Variants in SCN8A observed in about 807,000 individuals in gnomAD.
SCN8A encodes the protein sodium channel protein type 8 subunit alpha.
Under a neutral mutation model 184.1 loss-of-function variants are expected in SCN8A, and 30 were observed. That is an observed-to-expected ratio of 0.16 (90% CI 0.12 to 0.22). SCN8A has a LOEUF of 0.22. Ranked by LOEUF, SCN8A falls within the 10% of genes least tolerant of loss-of-function variation. The pLI is 1.00. For missense variants in SCN8A, 1,057 were observed against 2,498.9 expected (o/e 0.42, Z 12.30); for synonymous variants, 852 against 907.0 (o/e 0.94, Z 1.09).
rs73297643 is a variant in SCN8A at position 51,667,780 on chromosome 12, G to T, written c.276+4687G>T. On this transcript the variant is annotated intron_variant, in intron 2 of 26. Transcript: ENST00000627620. ...TTCTTAGAACTGACAGTTGATATAT[G>T]TGTCTTTTTTGTTTAATGGGTATAC... is the stretch of plus-strand genomic sequence containing the variant. 3.9e-3 allele frequency among the ~76,000 whole-genome samples: 595 copies of T among 152,180 alleles called. 3 individuals carry two copies. The highest frequency in any genetic ancestry group is 0.013 in the African/African-American group (554 of 41,512).
At chr12:51,624,439 G>A (rs1477562840) in intron 1 of SCN8A, among the ~76,000 whole-genome samples, 3 of 151,910 alleles carry the variant, frequency 2.0e-5, no homozygotes, top group Non-Finnish European at 2.9e-5. Flanking sequence ...CATATCCTTC[G>A]CCCACTTTTT....
chr12:51,746,019 A>T lies in SCN8A; in HGVS notation c.2115A>T (p.Thr705=). The T allele has an allele frequency of 3.7e-6, 6 of 1,609,116 alleles. No homozygotes were observed. Among genetic ancestry groups the T allele is most frequent in the Non-Finnish European group, 5.1e-6 (6 of 1,177,792 alleles). ...DRINSIMSVV[T]NTLVEELEES... is the part of the protein sequence containing the mutation. ...TCAACAGTATAATGAGTGTTGTTAC[A>T]AATACACTAGTAGAAGGTATGTGCC... The change falls in exon 13 of 27, where the codon ACA becomes ACT. Residue 705 remains threonine, a synonymous_variant. Transcript: ENST00000627620.
At chr12:51,788,287 C>CTTTTTTTTTT (rs66672221) in intron 22 of SCN8A, among the ~76,000 whole-genome samples, 31 of 84,004 alleles carry the variant, frequency 3.7e-4, no homozygotes, top group African/African-American at 1.2e-3. Flanking sequence ...CGCTTAACAC[C>CTTTTTTTTTT]TTTTTTTTTT....
At chr12:51,753,277 A>G (rs577051710) in intron 14 of SCN8A, among the ~76,000 whole-genome samples, 24 of 152,314 alleles carry the variant, frequency 1.6e-4, no homozygotes, top group African/African-American at 5.8e-4. Flanking sequence ...TAAATGTACA[A>G]TTAGCAGTGG....
chr12:51,677,269 G>A (rs1941238513), intron 2 of SCN8A, among the ~76,000 whole-genome samples: 1 of 151,342 alleles, frequency 6.6e-6, no homozygotes, highest in African/African-American at 2.4e-5. Context: ...TATTTTTTTT[G>A]TAGAGATGGA....
chr12:51,762,759 T>G, intron 15 of SCN8A, 83 bp downstream of exon 15: 1 of 1,255,422 alleles, frequency 8.0e-7, no homozygotes, highest in Admixed American at 3.3e-5. Flanking sequence ...AATTTGATGA[T>G]TTAAAAAATA....
At chr12:51,721,932 C>A (rs1269038777) in intron 12 of SCN8A, 24 bp downstream of exon 12, 1 of 1,599,548 alleles carries the variant, frequency 6.3e-7, no homozygotes, top group Admixed American at 1.7e-5. Flanking sequence ...AGGCAGCTAC[C>A]GATGACAGTG....
At chr12:51,709,923 C>G (rs4762003) in intron 11 of SCN8A, among the ~76,000 whole-genome samples, 116,986 of 152,010 alleles carry the variant, frequency 0.77, 46,996 homozygotes, top group East Asian at 0.9. Flanking sequence ...GAAGATAACC[C>G]CTGACAGTTT....
In SCN8A at chr12:51,640,212, GTTTTTTTTTTTTTTTTTTTTT is replaced by G. The variant is rs57362371; in HGVS notation, c.-54-22531_-54-22511del. 2.5e-3 allele frequency among the ~76,000 whole-genome samples: 87 copies of G among 34,778 alleles called. 1 individual carries two copies. Among genetic ancestry groups the G allele is most frequent in the African/African-American group, 3.1e-3 (26 of 8,330 alleles). The allele number at this position is 34,778 out of a possible 152,430, so 22.8% of individuals were successfully genotyped here. A position where few individuals can be genotyped will look rare whatever the true frequency, so the allele number is the denominator to read the frequency against. ...GGATATGAGCACATGTGCCTGGCCT[GTTTTTTTTTTTTTTTTTTTTT>G]TTTTTTTTTTTTTTTTTTTTAAGAC... On this transcript the variant is annotated intron_variant, in intron 1 of 26. Coordinates refer to ENST00000627620, the MANE Select transcript of SCN8A (RefSeq NM_001330260.2).
chr12:51,757,862 A>G (rs1942700711), intron 14 of SCN8A, among the ~76,000 whole-genome samples: 2 of 152,218 alleles, frequency 1.3e-5, no homozygotes, highest in South Asian at 4.1e-4. Flanking sequence ...TAGAGAATAG[A>G]GAACCATTGT....
Position 51,705,447 on chromosome 12 carries a change from A to T in SCN8A, c.1165A>T (p.Ile389Phe), listed in dbSNP as rs1334454056. ...ACGAGCAGCCGGGAAAACATACATGATCTTCTTCGTCTTGGTCATCTTTGT... is the reference window on the plus strand; with the variant it reads ...ACGAGCAGCCGGGAAAACATACATGTTCTTCTTCGTCTTGGTCATCTTTGT... ...TLRAAGKTYM[I>F]FFVLVIFVGS... is the part of the protein sequence containing the mutation. The change falls in exon 10 of 27, where the codon ATC (isoleucine) becomes TTC (phenylalanine). Residue 389 changes from isoleucine to phenylalanine, a missense_variant. Transcript: ENST00000627620. The T allele has an allele frequency of 5.0e-6, 8 of 1,613,826 alleles. No homozygotes were observed. The highest frequency in any genetic ancestry group is 6.8e-6 in the Non-Finnish European group (8 of 1,179,870).
At chr12:51,788,287 CTTT>C (rs66672221) in intron 22 of SCN8A, among the ~76,000 whole-genome samples, 29 of 83,996 alleles carry the variant, frequency 3.5e-4, no homozygotes, top group Non-Finnish European at 4.5e-4. Context: ...CGCTTAACAC[CTTT>C]TTTTTTTTTT....
At chr12:51,710,664 AAACAAG>A (rs909025692) in intron 11 of SCN8A, among the ~76,000 whole-genome samples, 4 of 152,296 alleles carry the variant, frequency 2.6e-5, no homozygotes, top group Admixed American at 1.3e-4. Flanking sequence ...GTCTCCAAAA[AAACAAG>A]AACAAAAACA....
intron 12 of SCN8A, among the ~76,000 whole-genome samples, chr12:51,739,403 C>G (rs947377862): frequency 2.0e-5 from 3 of 152,060 alleles, no homozygotes; most frequent in African/African-American, 7.2e-5. Context: ...AAAGAAAGAT[C>G]CGGGGGGTCA....
chr12:51,740,454 T>G lies in SCN8A; in HGVS notation c.1999-5449T>G, dbSNP rs1454952925. Among the ~76,000 whole-genome samples the G allele has an allele frequency of 3.9e-5, 6 of 152,234 alleles. No homozygotes were observed. In the East Asian group the frequency reaches 1.2e-3, roughly 29 times the overall value. On this transcript the variant is annotated intron_variant, in intron 12 of 26. Coordinates refer to ENST00000627620, the MANE Select transcript of SCN8A (RefSeq NM_001330260.2). ...TTAATCTCCATGTGTTTGTATCATTTCCAAAATTCCTCTTATTGATTTCTG... is the reference window on the plus strand; with the variant it reads ...TTAATCTCCATGTGTTTGTATCATTGCCAAAATTCCTCTTATTGATTTCTG...
chr12:51,669,126 A>G (rs1041278058), intron 2 of SCN8A, among the ~76,000 whole-genome samples: 1 of 152,226 alleles, frequency 6.6e-6, no homozygotes, highest in African/African-American at 2.4e-5. Flanking sequence ...TGCTATAGCT[A>G]CAACTTTATG....
chr12:51,635,175 A>G (rs1476642038), intron 1 of SCN8A, among the ~76,000 whole-genome samples: 4 of 152,284 alleles, frequency 2.6e-5, no homozygotes, highest in South Asian at 4.1e-4. Flanking sequence ...GACTTCATAC[A>G]TCTTACTGTT....
At chr12:51,686,255 T>G (rs1315666406) in intron 3 of SCN8A, 113 bp from the exon 4 acceptor site, 1 of 699,936 alleles carries the variant, frequency 1.4e-6, no homozygotes, top group East Asian at 2.7e-5. Flanking sequence ...CTTCTGTGCT[T>G]CATCTCCTTT....
chr12:51,774,659 A>AT (rs1049538193), intron 20 of SCN8A, among the ~76,000 whole-genome samples: 14 of 152,188 alleles, frequency 9.2e-5, no homozygotes, highest in African/African-American at 3.4e-4. Context: ...GGCCCTTGTT[A>AT]TTAGGCTGGG....
Sources: allele counts gnomAD v4.1 joint callset (sites outside exome capture counted in the v4.1 genomes callset), GRCh38; gene constraint gnomAD v4.1.1; transcripts MANE v1.5; gene names NCBI Gene and HGNC (gene_info 2026-07-23, HGNC 2026-07-21).